The following NCKAP5 variants were observed in gnomAD, a reference collection of about 807,000 sequenced individuals.
NCKAP5 encodes the protein nck-associated protein 5.
In NCKAP5, 92 loss-of-function variants were observed where a neutral mutation model predicts 167.0. That is an observed-to-expected ratio of 0.55 (90% confidence interval 0.47 to 0.66). NCKAP5 has a LOEUF of 0.66. Ranked by LOEUF, NCKAP5 falls within the 30% of genes least tolerant of loss-of-function variation. The pLI is 0.00. For synonymous variants in NCKAP5, 891 were observed against 877.4 expected, an observed-to-expected ratio of 1.02 and a Z score of -0.27; for missense variants, 2,378 against 2,315.0, an observed-to-expected ratio of 1.03 and a Z score of -0.56.
At chr2:133,448,931 A>G (rs1691380159) in intron 3 of NCKAP5, among the ~76,000 whole-genome samples, 2 of 152,200 alleles carry the variant, frequency 1.3e-5, no homozygotes, top group Non-Finnish European at 1.5e-5. Context: ...TCTCCTTTCT[A>G]TAAAATAACA....
intron 11 of NCKAP5, among the ~76,000 whole-genome samples, chr2:132,834,468 C>T (rs1288867181): frequency 6.6e-6 from 1 of 152,304 alleles, no homozygotes; most frequent in South Asian, 2.1e-4. Flanking sequence ...CCTCAGCCTC[C>T]CGAGTACCTG....
chr2:132,950,429 A>G (rs1050232784), intron 8 of NCKAP5, among the ~76,000 whole-genome samples: 2 of 152,150 alleles, frequency 1.3e-5, no homozygotes, highest in African/African-American at 4.8e-5. Flanking sequence ...CTTAGATTCC[A>G]TGTGATGATC....
chr2:133,489,651 T>C (rs551268877), intron 3 of NCKAP5, among the ~76,000 whole-genome samples: 129 of 152,348 alleles, frequency 8.5e-4, no homozygotes, highest in African/African-American at 2.9e-3. Context: ...TATTTTAAAG[T>C]AAACCCTGAA....
At chr2:133,419,658 A>G (rs1689346635) in intron 3 of NCKAP5, among the ~76,000 whole-genome samples, 1 of 152,288 alleles carries the variant, frequency 6.6e-6, no homozygotes, top group South Asian at 2.1e-4. Flanking sequence ...ATACTCACAC[A>G]GATGCTCTCT....
chr2:133,192,522 C>T (rs1419549079), intron 5 of NCKAP5, among the ~76,000 whole-genome samples: 1 of 151,606 alleles, frequency 6.6e-6, no homozygotes, highest in Non-Finnish European at 1.5e-5. Context: ...GGACTAGTTT[C>T]CAGAATATAT....
In NCKAP5 at chr2:133,163,632, A is replaced by G. The variant is rs576910325; in HGVS notation, c.208-33521T>C. On this transcript the variant is annotated intron_variant, in intron 5 of 19. Coordinates refer to ENST00000409261, the MANE Select transcript of NCKAP5 (RefSeq NM_207363.3). ...GCCTGAGGAATTTCATAATTCAGAG[A>G]TGCTGAGATGGTATCTACCTATGCG... Among the ~76,000 whole-genome samples, 3 of 152,334 alleles carry G rather than the reference A, an allele frequency of 2.0e-5. No individual in the cohort carries two copies. In the South Asian group the frequency reaches 6.2e-4, roughly 32 times the overall value.
chr2:133,159,455 C>T (rs2083700746), intron 5 of NCKAP5, among the ~76,000 whole-genome samples: 1 of 134,434 alleles, frequency 7.4e-6, no homozygotes, highest in Admixed American at 7.2e-5. Flanking sequence ...TGGTGAGATG[C>T]CATGTATCTG....
intron 5 of NCKAP5, among the ~76,000 whole-genome samples, chr2:133,155,272 A>G (rs2083531411): frequency 6.6e-6 from 1 of 152,296 alleles, no homozygotes; most frequent in Non-Finnish European, 1.5e-5. Flanking sequence ...ACCTGACTCA[A>G]TGATTCCTAA....
At chr2:133,209,710 A>G (rs2086121236) in intron 5 of NCKAP5, among the ~76,000 whole-genome samples, 1 of 152,140 alleles carries the variant, frequency 6.6e-6, no homozygotes, top group South Asian at 2.1e-4. Context: ...TAAAGTCTTA[A>G]GTTTAATTGT....
intron 8 of NCKAP5, among the ~76,000 whole-genome samples, chr2:132,905,578 G>A (rs1430513636): frequency 6.6e-6 from 1 of 152,082 alleles, no homozygotes; most frequent in African/African-American, 2.4e-5. Flanking sequence ...TATTTGGCCT[G>A]CCTATCTTGG....
intron 6 of NCKAP5, among the ~76,000 whole-genome samples, chr2:133,025,506 G>A (rs1053679138): frequency 6.6e-6 from 1 of 152,206 alleles, no homozygotes; most frequent in Admixed American, 6.5e-5. Flanking sequence ...GCATCTGTGA[G>A]AGGTGTGAAA....
rs529580892 is a variant in NCKAP5, at chr2:133,035,268, T to C, written c.342-41029A>G. Among the ~76,000 whole-genome samples, 11 of 152,032 alleles carry C rather than the reference T, an allele frequency of 7.2e-5. No homozygotes were observed. In the South Asian group the frequency reaches 2.3e-3, roughly 32 times the overall value. On this transcript the variant is annotated intron_variant, in intron 6 of 19. Transcript: ENST00000409261. ...GGAGTACCCAGATGTATAAAGGAAA[T>C]ATTATTGCAGCTAAAGAGAGGAATA...
chr2:133,285,101 G>T (rs1027412458), intron 4 of NCKAP5, among the ~76,000 whole-genome samples: 24 of 152,138 alleles, frequency 1.6e-4, no homozygotes, highest in African/African-American at 5.8e-4. Flanking sequence ...ACCCTAACAG[G>T]CCCCCTTCAG....
intron 5 of NCKAP5, among the ~76,000 whole-genome samples, chr2:133,199,036 C>T (rs1480036081): frequency 1.3e-5 from 2 of 151,944 alleles, no homozygotes; most frequent in Non-Finnish European, 2.9e-5. Flanking sequence ...AAAAATGATA[C>T]AAATGTGGAT....
Position 133,269,114 on chromosome 2 carries a change from C to T in NCKAP5, c.143+33923G>A, listed in dbSNP as rs541283726. ...ACAGCTAACTTATAGCCTAAATTGA[C>T]AGGCCCACCTCCAATTTATTAATTC... On this transcript the variant is annotated intron_variant, in intron 4 of 19. Coordinates refer to ENST00000409261, the MANE Select transcript of NCKAP5 (RefSeq NM_207363.3). 4 of 152,290 alleles carry T rather than the reference C, an allele frequency of 2.6e-5. No individual in the cohort carries two copies. The South Asian group carries it at 8.3e-4, about 32-fold the overall frequency. 9.4% of individuals were successfully genotyped at this position (152,290 alleles called of 1,614,324 possible). A position where few individuals can be genotyped will look rare whatever the true frequency, so the allele number is the denominator to read the frequency against.
chr2:132,750,048 C>T (rs1481267197), intron 16 of NCKAP5, among the ~76,000 whole-genome samples: 2 of 152,118 alleles, frequency 1.3e-5, no homozygotes, highest in African/African-American at 2.4e-5. Context: ...AGTTAATAAG[C>T]GGCAAAACTA....
At chr2:133,384,703 C>A (rs532633094) in intron 3 of NCKAP5, among the ~76,000 whole-genome samples, 16 of 152,310 alleles carry the variant, frequency 1.1e-4, no homozygotes, top group Middle Eastern at 3.4e-3. Context: ...GAATGTTCTT[C>A]CATTTGTTTG....
chr2:133,635,654 A>C, the NCKAP5 span, among the ~76,000 whole-genome samples: 8 of 152,220 alleles, frequency 5.3e-5, no homozygotes, highest in Non-Finnish European at 1.2e-4. Context: ...GTAACTTCTA[A>C]AGACAAGCAA....
chr2:133,270,765 G>A (rs932252382), intron 4 of NCKAP5, among the ~76,000 whole-genome samples: 3 of 152,010 alleles, frequency 2.0e-5, no homozygotes, highest in African/African-American at 4.8e-5. Context: ...GCTTCCCTCC[G>A]ACTGATTGCC....
Sources: allele counts gnomAD v4.1 joint callset (sites outside exome capture counted in the v4.1 genomes callset), GRCh38; gene constraint gnomAD v4.1.1; transcripts MANE v1.5; gene names NCBI Gene and HGNC (gene_info 2026-07-23, HGNC 2026-07-21).